ADARB2: variants seen among roughly 807,000 people sequenced by gnomAD.
ADARB2 encodes adenosine deaminase RNA specific B2 (inactive).
Under a neutral mutation model 62.2 loss-of-function variants are expected in ADARB2, and 25 were observed. The ratio of observed to expected loss-of-function variants is 0.40; its 90% CI spans 0.29 to 0.56. ADARB2 has a LOEUF of 0.56. ADARB2 is among the 20% of genes least tolerant of loss of function. The pLI is 0.43. For synonymous variants in ADARB2, 572 were observed against 500.8 expected, an observed-to-expected ratio of 1.14 and a Z score of -1.90; for missense variants, 1,071 against 1,077.4, an observed-to-expected ratio of 0.99 and a Z score of 0.08.
intron 1 of ADARB2, among the ~76,000 whole-genome samples, chr10:1,670,234 G>A (rs1179293733): frequency 6.6e-6 from 1 of 152,156 alleles, no homozygotes; most frequent in Non-Finnish European, 1.5e-5. Context: ...ACTAGTTTGT[G>A]TCATAGTAAG....
At chr10:1,438,140 G>A (rs1374059229) in intron 1 of ADARB2, among the ~76,000 whole-genome samples, 1 of 152,216 alleles carries the variant, frequency 6.6e-6, no homozygotes, top group Non-Finnish European at 1.5e-5. Flanking sequence ...TCCCCTCAGT[G>A]GACAGAGCAG....
At chr10:1,503,682 G>C (rs1182218424) in intron 1 of ADARB2, among the ~76,000 whole-genome samples, 1 of 152,098 alleles carries the variant, frequency 6.6e-6, no homozygotes. Flanking sequence ...GGAGGTGACT[G>C]GATCATGTAG....
At chr10:1,421,110 C>G (rs375789718) in intron 1 of ADARB2, among the ~76,000 whole-genome samples, 64 of 151,474 alleles carry the variant, frequency 4.2e-4, no homozygotes, top group Middle Eastern at 6.8e-3. Context: ...TGAGTCAGGT[C>G]CCCAGGATGG....
intron 1 of ADARB2, among the ~76,000 whole-genome samples, chr10:1,576,163 G>T (rs1833018147): frequency 7.2e-6 from 1 of 138,952 alleles, no homozygotes; most frequent in Admixed American, 7.1e-5. Context: ...GTCACAGGAG[G>T]GGGGTTCAGG....
intron 1 of ADARB2, among the ~76,000 whole-genome samples, chr10:1,651,056 G>C (rs763431872): frequency 6.6e-6 from 1 of 152,196 alleles, no homozygotes; most frequent in Non-Finnish European, 1.5e-5. Flanking sequence ...CAGATGTTCC[G>C]CTCTCCCCTC....
chr10:1,532,860 C>A (rs1292894898), intron 1 of ADARB2, among the ~76,000 whole-genome samples: 1 of 152,146 alleles, frequency 6.6e-6, no homozygotes, highest in Non-Finnish European at 1.5e-5. Flanking sequence ...TCTCCAGGAA[C>A]TTAAATCTTG....
At chr10:1,341,323 C>A (rs907305062) in intron 3 of ADARB2, among the ~76,000 whole-genome samples, 3 of 149,344 alleles carry the variant, frequency 2.0e-5, no homozygotes, top group African/African-American at 7.4e-5. Flanking sequence ...GTGGCAATAA[C>A]CAGCATCCAC....
At chr10:1,518,277 G>A (rs886224493) in intron 1 of ADARB2, among the ~76,000 whole-genome samples, 2 of 152,186 alleles carry the variant, frequency 1.3e-5, no homozygotes, top group African/African-American at 2.4e-5. Flanking sequence ...ACTCTACCAC[G>A]TTCTCATGCC....
intron 1 of ADARB2, among the ~76,000 whole-genome samples, chr10:1,650,475 A>G (rs540255211): frequency 6.7e-6 from 1 of 150,194 alleles, no homozygotes; most frequent in East Asian, 2.0e-4. Context: ...TGGTGCTGGT[A>G]GGCTGCAGCC....
intron 1 of ADARB2, among the ~76,000 whole-genome samples, chr10:1,494,873 T>C (rs974409980): frequency 2.6e-5 from 4 of 152,170 alleles, no homozygotes; most frequent in Non-Finnish European, 5.9e-5. Context: ...AGCTTCAGGA[T>C]GAACCATCAC....
chr10:1,314,090 G>A (rs777193109), intron 3 of ADARB2, among the ~76,000 whole-genome samples: 1 of 152,178 alleles, frequency 6.6e-6, no homozygotes, highest in African/African-American at 2.4e-5. Context: ...CGGAGACATC[G>A]GCCCTGGCCT....
intron 3 of ADARB2, among the ~76,000 whole-genome samples, chr10:1,314,580 C>T (rs202021399): frequency 7.2e-5 from 11 of 152,306 alleles, no homozygotes; most frequent in East Asian, 1.9e-4. Flanking sequence ...GCCTTCCGGC[C>T]GCTTCTGACC....
intron 1 of ADARB2, among the ~76,000 whole-genome samples, chr10:1,449,018 G>GAA (rs1481352323): frequency 3.3e-5 from 5 of 152,188 alleles, no homozygotes. Flanking sequence ...AGTTCGGGGA[G>GAA]AAAAGGGTTC....
In ADARB2 at chr10:1,351,929, TCTC is replaced by T. The variant is rs1176115556; in HGVS notation, c.1077+11096_1077+11098del. Reference sequence around the variant, plus strand: ...ACCCCTTGGTGCCAAACCCATATACTCTCCTATCTTCAACACCTCCCTCCACAA... The same window carrying T: ...ACCCCTTGGTGCCAAACCCATATACTCTATCTTCAACACCTCCCTCCACAA... On this transcript the variant is annotated intron_variant, in intron 3 of 9. Transcript: ENST00000381312. Among the ~76,000 whole-genome samples the T allele has an allele frequency of 2.7e-5, 4 of 147,478 alleles. 2 individuals are homozygous for T. The highest frequency in any genetic ancestry group is 1.1e-4 in the African/African-American group (4 of 37,670).
chr10:1,481,724 G>A (rs1177884535), intron 1 of ADARB2, among the ~76,000 whole-genome samples: 3 of 152,030 alleles, frequency 2.0e-5, no homozygotes, highest in East Asian at 3.9e-4. Context: ...GGGTATGGGG[G>A]CGGGTGCCTG....
At chr10:1,457,069 TTTC>T (rs1318672061) in intron 1 of ADARB2, among the ~76,000 whole-genome samples, 1 of 152,194 alleles carries the variant, frequency 6.6e-6, no homozygotes, top group Non-Finnish European at 1.5e-5. Flanking sequence ...GAAAGATCAA[TTTC>T]TTTTCTTGGA....
chr10:1,333,059 G>A (rs556664454), intron 3 of ADARB2, among the ~76,000 whole-genome samples: 110 of 152,320 alleles, frequency 7.2e-4, no homozygotes, highest in African/African-American at 2.6e-3. Context: ...CCAATTGCAA[G>A]TGGCCATCTC....
intron 1 of ADARB2, among the ~76,000 whole-genome samples, chr10:1,629,904 G>A (rs1833821203): frequency 6.6e-6 from 1 of 152,046 alleles, no homozygotes; most frequent in Non-Finnish European, 1.5e-5. Flanking sequence ...GAGAATGCGG[G>A]GGAAGGGAGC....
At chr10:1,722,102 G>A (rs1426829423) in intron 1 of ADARB2, among the ~76,000 whole-genome samples, 1 of 152,214 alleles carries the variant, frequency 6.6e-6, no homozygotes, top group Non-Finnish European at 1.5e-5. Context: ...GTCAGTTGGT[G>A]TGTCATGAAA....
Sources: gnomAD v4.1 joint callset for allele counts (sites outside exome capture counted in the v4.1 genomes callset) on GRCh38, gnomAD v4.1.1 for gene constraint, MANE v1.5 for transcripts, NCBI Gene and HGNC (gene_info 2026-07-23, HGNC 2026-07-21) for gene names.